The following DNAAF4 variants were observed in gnomAD, a reference collection of about 807,000 sequenced individuals.
DNAAF4 encodes the protein dynein axonemal assembly factor 4.
In DNAAF4, 43 loss-of-function variants were observed where a neutral mutation model predicts 51.8. The ratio of observed to expected loss-of-function variants is 0.83; its 90% CI spans 0.65 to 1.07. DNAAF4 has a LOEUF of 1.07. DNAAF4 is among the 50% of genes least tolerant of loss of function. The probability of loss-of-function intolerance (pLI) is 0.00; values close to 1 mark genes in which losing one functional copy is unlikely to be tolerated. For synonymous variants in DNAAF4, 194 were observed against 165.6 expected (o/e 1.17, Z -1.32); for missense variants, 581 against 493.0 (o/e 1.18, Z -1.69).
intron 4 of DNAAF4, among the ~76,000 whole-genome samples, chr15:55,486,363 T>C (rs2058489805): frequency 6.6e-6 from 1 of 151,976 alleles, no homozygotes; most frequent in Non-Finnish European, 1.5e-5. Flanking sequence ...CCAGCTAATT[T>C]TTGTATTTTT....
chr15:55,430,592 C>T lies in DNAAF4; in HGVS notation c.*78G>A. 2 of 1,517,578 alleles carry T rather than the reference C, an allele frequency of 1.3e-6. No individual in the cohort carries two copies. The highest frequency in any genetic ancestry group is 2.4e-5 in the East Asian group (1 of 41,920). The allele number at this position is 1,517,578 out of a possible 1,614,324, so 94.0% of individuals were successfully genotyped here. A position where few individuals can be genotyped will look rare whatever the true frequency, so the allele number is the denominator to read the frequency against. On this transcript the variant is annotated 3_prime_UTR_variant, in exon 10 of 10. Transcript: ENST00000321149. The stretch of plus-strand genomic sequence containing the variant: ...CTAAACAGAAAGCGATTCTGTACAA[C>T]TGGCCATAATATGTACAAAGATGCC...
At chr15:55,428,198 C>T (rs2057449534), downstream of DNAAF4, among the ~76,000 whole-genome samples, 1 of 152,078 alleles carries the variant, frequency 6.6e-6, no homozygotes, top group Non-Finnish European at 1.5e-5. Context: ...AAGTGACCCA[C>T]CTGCCTCAGT....
chr15:55,427,489 T>A (rs7174102), downstream of DNAAF4, among the ~76,000 whole-genome samples: 38,159 of 152,036 alleles, frequency 0.25, 6,055 homozygotes, highest in Non-Finnish European at 0.36. Flanking sequence ...TAGTTCCTGG[T>A]TGGGGGGGCC....
intron 1 of DNAAF4, among the ~76,000 whole-genome samples, chr15:55,500,691 C>A (rs1222640043): frequency 6.6e-6 from 1 of 152,078 alleles, no homozygotes; most frequent in African/African-American, 2.4e-5. Flanking sequence ...ATGAATTATA[C>A]CTTAAAAACT....
intron 4 of DNAAF4, among the ~76,000 whole-genome samples, chr15:55,484,416 C>A (rs1481324900): frequency 6.7e-6 from 1 of 149,440 alleles, no homozygotes; most frequent in African/African-American, 2.5e-5. Context: ...ACCTGGGAGG[C>A]GGAGCTTGCA....
In DNAAF4 at chr15:55,498,463, C is replaced by A. The variant is rs2058669862; in HGVS notation, c.-134G>T. The A allele has an allele frequency of 1.4e-6, 2 of 1,379,498 alleles. No homozygotes were observed. Among genetic ancestry groups the A allele is most frequent in the Middle Eastern group, 2.6e-4 (1 of 3,792 alleles). 85.5% of individuals were successfully genotyped at this position (1,379,498 alleles called of 1,614,324 possible). On this transcript the variant is annotated 5_prime_UTR_variant, in exon 2 of 10. The change creates a premature stop within an existing upstream ORF in the 5' untranslated region. Transcript: ENST00000321149. ...GGAGCCCGGCGTTCCCAGCGTGCTCCGGCGCCAGCACCTCGCGGACTCCAT... is the reference window on the plus strand; with the variant it reads ...GGAGCCCGGCGTTCCCAGCGTGCTCAGGCGCCAGCACCTCGCGGACTCCAT...
At chr15:55,472,975 G>C (rs1204008509) in intron 4 of DNAAF4, among the ~76,000 whole-genome samples, 3 of 151,654 alleles carry the variant, frequency 2.0e-5, no homozygotes, top group Non-Finnish European at 4.4e-5. Context: ...AGACCAGCCT[G>C]GCCAAAATGG....
rs144066600 is a variant in DNAAF4 at position 55,462,478 on chromosome 15, T to C, written c.637+4452A>G. ...AGGCTGGGATTACAGGTATGAGCCATGTGCCCAGCCCAACAGCTGAATTCT... is the reference window on the plus strand; with the variant it reads ...AGGCTGGGATTACAGGTATGAGCCACGTGCCCAGCCCAACAGCTGAATTCT... On this transcript the variant is annotated intron_variant, in intron 5 of 9. Coordinates refer to ENST00000321149, the MANE Select transcript of DNAAF4 (RefSeq NM_130810.4). 2.5e-3 allele frequency among the ~76,000 whole-genome samples: 383 copies of C among 152,176 alleles called. 1 individual carries two copies. Among genetic ancestry groups the C allele is most frequent in the Admixed American group, 8.8e-3 (135 of 15,260 alleles).
Position 55,497,717 on chromosome 15 carries a change from G to A in DNAAF4, c.266C>T (p.Thr89Met). Residue 89 changes from threonine (T) to methionine (M), a missense_variant, in exon 3 of 10, where the codon ACG (threonine) becomes ATG (methionine). By Grantham distance (81) the Thr-to-Met change is moderately conservative. Coordinates refer to ENST00000321149, the MANE Select transcript of DNAAF4 (RefSeq NM_130810.4). The part of the protein sequence containing the change: ...EAAMWETLSV[T>M]GVDKEMMQRI... The stretch of plus-strand genomic sequence containing the variant: ...TCTTTTAATAAAGAACTTACCACCC[G>A]TCACAGAAAGGGTCTCCCACATGGC... 1.2e-6 allele frequency: 2 copies of A among 1,603,392 alleles called. No homozygotes were observed. The highest frequency in any genetic ancestry group is 1.7e-6 in the Non-Finnish European group (2 of 1,176,814).
chr15:55,484,348 G>C (rs1196275961), intron 4 of DNAAF4, among the ~76,000 whole-genome samples: 1 of 151,964 alleles, frequency 6.6e-6, no homozygotes, highest in Non-Finnish European at 1.5e-5. Context: ...AGCCAGGCGT[G>C]GTGGTGAGCA....
intron 5 of DNAAF4, among the ~76,000 whole-genome samples, chr15:55,460,179 A>ATTTTTTTT (rs760588937): frequency 8.1e-6 from 1 of 123,792 alleles, no homozygotes. Flanking sequence ...TTATTTACTT[A>ATTTTTTTT]TTTATTTATT....
At chr15:55,491,687 T>C (rs2058573986) in intron 3 of DNAAF4, among the ~76,000 whole-genome samples, 1 of 141,618 alleles carries the variant, frequency 7.1e-6, no homozygotes, top group Non-Finnish European at 1.5e-5. Flanking sequence ...TATTATATTA[T>C]TATATAATAA....
At chr15:55,437,744 G>A (rs963485536) in intron 7 of DNAAF4, among the ~76,000 whole-genome samples, 4 of 152,100 alleles carry the variant, frequency 2.6e-5, no homozygotes, top group African/African-American at 9.7e-5. Flanking sequence ...AGTGGCTGGG[G>A]AGCCACAATT....
At chr15:55,451,743 G>T (rs2057936014) in intron 5 of DNAAF4, among the ~76,000 whole-genome samples, 1 of 151,812 alleles carries the variant, frequency 6.6e-6, no homozygotes, top group African/African-American at 2.4e-5. Flanking sequence ...CCTTTCAAGA[G>T]CAGGCACTAC....
At chr15:55,459,742 T>C (rs966762273) in intron 5 of DNAAF4, among the ~76,000 whole-genome samples, 5 of 151,996 alleles carry the variant, frequency 3.3e-5, no homozygotes, top group African/African-American at 1.2e-4. Flanking sequence ...CTCCTTCTGT[T>C]GCCCAGGCTG....
Position 55,432,497 on chromosome 15 carries a change from C to A in DNAAF4, c.1153G>T (p.Gly385Cys). 1 of 1,608,292 alleles carries A rather than the reference C, an allele frequency of 6.2e-7. No homozygotes were observed. Among genetic ancestry groups the A allele is most frequent in the Non-Finnish European group, 8.5e-7 (1 of 1,176,500 alleles). Residue 385 changes from glycine (G) to cysteine (C), a missense_variant and splice_region_variant, in exon 9 of 10, where the codon GGC becomes TGC. By Grantham distance (159) the Gly-to-Cys change is radical. Coordinates refer to ENST00000321149, the MANE Select transcript of DNAAF4 (RefSeq NM_130810.4). ...TAAACCATTTCTATCAATTCCTTACCTTCTACATACAATTCTAGTTGACAG... is the reference window on the plus strand; with the variant it reads ...TAAACCATTTCTATCAATTCCTTACATTCTACATACAATTCTAGTTGACAG... ...AFCQLELYVE[G>C]LQDYEAALKI...
intron 5 of DNAAF4, among the ~76,000 whole-genome samples, chr15:55,451,623 T>C (rs2057934265): frequency 1.3e-5 from 2 of 151,664 alleles, no homozygotes; most frequent in South Asian, 4.2e-4. Context: ...TAATATCTTT[T>C]TTTTTTTTTG....
chr15:55,433,490 A>G (rs746225789), intron 8 of DNAAF4, among the ~76,000 whole-genome samples: 68 of 150,854 alleles, frequency 4.5e-4, no homozygotes, highest in Non-Finnish European at 9.0e-4. Context: ...GCCGGGTATG[A>G]TGGCGGGCGC....
chr15:55,431,388 AC>A (rs2057491673), intron 9 of DNAAF4, among the ~76,000 whole-genome samples: 2 of 150,312 alleles, frequency 1.3e-5, no homozygotes, highest in Non-Finnish European at 3.0e-5. Flanking sequence ...ACACACACAC[AC>A]AAATACATAC....
Sources: gnomAD v4.1 joint callset for allele counts (sites outside exome capture counted in the v4.1 genomes callset) on GRCh38, gnomAD v4.1.1 for gene constraint, MANE v1.5 for transcripts, NCBI Gene and HGNC (gene_info 2026-07-23, HGNC 2026-07-21) for gene names.